The following ANKRD11 variants were observed in gnomAD, a reference collection of about 807,000 sequenced individuals.
ANKRD11 encodes the protein ankyrin repeat domain-containing protein 11.
ANKRD11 carries 17 observed loss-of-function variants against 195.7 expected under a neutral mutation model. That is an observed-to-expected ratio of 0.09 (90% CI 0.06 to 0.13). ANKRD11 has a LOEUF of 0.13. Among genes scored for constraint, ANKRD11 ranks in the 10% least tolerant of loss-of-function variants. ANKRD11 has a pLI of 1.00. For missense variants in ANKRD11, 3,735 were observed against 3,566.1 expected (o/e 1.05, Z -1.21); for synonymous variants, 1,953 against 1,528.1 (o/e 1.28, Z -6.49).
chr16:89,454,948 T>C (rs1248766912), intron 1 of ANKRD11, among the ~76,000 whole-genome samples: 33 of 70,590 alleles, frequency 4.7e-4, no homozygotes, highest in Admixed American at 1.1e-3. Flanking sequence ...CCCCTGAGTG[T>C]TTCTAGGGTT....
At chr16:89,437,060 A>T (rs2043244964) in intron 1 of ANKRD11, among the ~76,000 whole-genome samples, 1 of 152,194 alleles carries the variant, frequency 6.6e-6, no homozygotes, top group South Asian at 2.1e-4. Context: ...GAGGAAGGAG[A>T]TGTCACAGAA....
At chr16:89,409,333 C>A (rs111465641) in intron 2 of ANKRD11, among the ~76,000 whole-genome samples, 1 of 152,226 alleles carries the variant, frequency 6.6e-6, no homozygotes, top group East Asian at 1.9e-4. Flanking sequence ...GCCACCAACA[C>A]AACTCTGTTC....
intron 3 of ANKRD11, among the ~76,000 whole-genome samples, chr16:89,309,232 T>C (rs1384496466): frequency 1.3e-5 from 2 of 152,140 alleles, no homozygotes; most frequent in Non-Finnish European, 2.9e-5. Context: ...ATGCTGGGCA[T>C]GGCCACAGCC....
intron 2 of ANKRD11, among the ~76,000 whole-genome samples, chr16:89,319,320 G>A (rs1393401134): frequency 6.6e-6 from 1 of 152,224 alleles, no homozygotes; most frequent in Non-Finnish European, 1.5e-5. Context: ...TTGGTGCTTT[G>A]CCCAGGCACC....
At chr16:89,304,114 C>T (rs990464924) in intron 4 of ANKRD11, among the ~76,000 whole-genome samples, 9 of 152,216 alleles carry the variant, frequency 5.9e-5, no homozygotes, top group Non-Finnish European at 1.3e-4. Context: ...AAGGAGGCCT[C>T]TGGACACAAG....
chr16:89,429,392 TCTCGCG>T (rs2042881052), intron 1 of ANKRD11, among the ~76,000 whole-genome samples: 9 of 41,314 alleles, frequency 2.2e-4, no homozygotes, highest in African/African-American at 5.3e-4. Flanking sequence ...GACTCTCAAC[TCTCGCG>T]CTCAGACGTT....
At chr16:89,303,859 C>G (rs989294320) in intron 4 of ANKRD11, among the ~76,000 whole-genome samples, 3 of 152,208 alleles carry the variant, frequency 2.0e-5, no homozygotes, top group Non-Finnish European at 4.4e-5. Context: ...TCAACAATCT[C>G]CTTCGTATCA....
At chr16:89,349,757 A>G (rs760844212) in intron 2 of ANKRD11, among the ~76,000 whole-genome samples, 3 of 152,154 alleles carry the variant, frequency 2.0e-5, no homozygotes, top group African/African-American at 7.2e-5. Flanking sequence ...AAAAGCACAA[A>G]GTACCCAAGA....
At position 89,279,696 on chromosome 16, in the gene ANKRD11, A is replaced by G; in HGVS notation, c.6846T>C (p.Ala2282=). ...CGGGGCCGGCACCGTCTGCGGCCTGAGCTTGTGCCACAGTGTTCGGGGCGG... is the reference window on the plus strand; with the variant it reads ...CGGGGCCGGCACCGTCTGCGGCCTGGGCTTGTGCCACAGTGTTCGGGGCGG... ...DGPAPNTVAQ[A]QAADGAGPED... is the part of the protein sequence containing the mutation. Residue 2282 remains alanine, a synonymous_variant, in exon 9 of 13, where the codon GCT becomes GCC. Coordinates refer to ENST00000301030, the MANE Select transcript of ANKRD11 (RefSeq NM_013275.6). The surrounding 1 kb of genome is among the most constrained non-coding windows in gnomAD (Gnocchi z 5.6). 2.0e-6 allele frequency: 3 copies of G among 1,505,206 alleles called. No individual in the cohort carries two copies. The highest frequency in any genetic ancestry group is 1.8e-6 in the Non-Finnish European group (2 of 1,130,652). The allele number at this position is 1,505,206 out of a possible 1,614,324, so 93.2% of individuals were successfully genotyped here.
At chr16:89,388,654 G>T (rs1288632153) in intron 2 of ANKRD11, among the ~76,000 whole-genome samples, 1 of 152,186 alleles carries the variant, frequency 6.6e-6, no homozygotes, top group East Asian at 1.9e-4. Flanking sequence ...TAGAGCAGGA[G>T]CCCTGCGATG....
At chr16:89,313,909 G>T (rs1183969066) in intron 3 of ANKRD11, among the ~76,000 whole-genome samples, 21 of 152,218 alleles carry the variant, frequency 1.4e-4, no homozygotes, top group Non-Finnish European at 1.5e-5. Context: ...AAAATGCCTG[G>T]CTTTACTGTG....
At chr16:89,400,970 G>A (rs963544026) in intron 2 of ANKRD11, among the ~76,000 whole-genome samples, 17 of 152,188 alleles carry the variant, frequency 1.1e-4, no homozygotes, top group African/African-American at 3.6e-4. Flanking sequence ...GTCTGCCCCG[G>A]GGCTGCCTGG....
At chr16:89,489,902 C>T (rs1294002081) in intron 1 of ANKRD11, among the ~76,000 whole-genome samples, 1 of 147,250 alleles carries the variant, frequency 6.8e-6, no homozygotes. Flanking sequence ...GCCACCCAGG[C>T]CCGCCCGGAG....
intron 9 of ANKRD11, chr16:89,278,733 C>T (rs750115842): frequency 1.3e-5 from 7 of 520,420 alleles, no homozygotes; most frequent in Non-Finnish European, 2.2e-5. Context: ...CTCGTGAGGC[C>T]GTCCTGGTGG....
chr16:89,286,378 G>A, intron 7 of ANKRD11, 192 bp from the exon 8 acceptor site: 1 of 815,088 alleles, frequency 1.2e-6, no homozygotes, highest in Non-Finnish European at 2.0e-6. Context: ...GCGAGGCTGT[G>A]GCTCCTCTGT....
chr16:89,407,095 T>C (rs948955616), intron 2 of ANKRD11, among the ~76,000 whole-genome samples: 2 of 151,368 alleles, frequency 1.3e-5, no homozygotes, highest in Middle Eastern at 3.4e-3. Context: ...CTGAGGCTGG[T>C]GAAGCCCAGG....
chr16:89,338,726 C>CAAAAAAAAAAAAA (rs34799616), intron 2 of ANKRD11, among the ~76,000 whole-genome samples: 1 of 43,812 alleles, frequency 2.3e-5, no homozygotes, highest in African/African-American at 1.0e-4. Flanking sequence ...CACTCAGTCT[C>CAAAAAAAAAAAAA]AAAAAAAAAA....
At chr16:89,276,451 AC>A (rs2033658286) in intron 9 of ANKRD11, among the ~76,000 whole-genome samples, 1 of 152,190 alleles carries the variant, frequency 6.6e-6, no homozygotes, top group Non-Finnish European at 1.5e-5. Flanking sequence ...GACGGGCCTG[AC>A]CAGGCCTCCA....
chr16:89,453,603 G>A (rs759884423), intron 1 of ANKRD11, among the ~76,000 whole-genome samples: 1 of 152,120 alleles, frequency 6.6e-6, no homozygotes, highest in African/African-American at 2.4e-5. Context: ...TAACAGAAAG[G>A]AGGCAAGACA....
Sources: gnomAD v4.1 joint callset for allele counts (sites outside exome capture counted in the v4.1 genomes callset) on GRCh38, gnomAD v4.1.1 for gene constraint, Gnocchi (gnomAD v3.1) non-coding constraint, MANE v1.5 for transcripts, NCBI Gene and HGNC (gene_info 2026-07-23, HGNC 2026-07-21) for gene names.